The following MALRD1 variants were observed in gnomAD, a reference collection of about 807,000 sequenced individuals.
MALRD1 encodes MAM and LDL-receptor class A domain-containing protein 1.
MALRD1 carries 247 observed loss-of-function variants against 242.1 expected under a neutral mutation model. The ratio of observed to expected loss-of-function variants is 1.02; its 90% confidence interval spans 0.92 to 1.13. The LOEUF is 1.13. MALRD1 is among the 50% of genes most tolerant of loss of function. The probability of loss-of-function intolerance (pLI) is 0.00; values close to 1 mark genes in which losing one functional copy is unlikely to be tolerated. For synonymous variants in MALRD1, 995 were observed against 866.6 expected (o/e 1.15, Z -2.60); for missense variants, 2,989 against 2,533.1 (o/e 1.18, Z -3.86).
At position 19,647,545 on chromosome 10, in the gene MALRD1, G is replaced by T. The variant is rs748487203; in HGVS notation, c.6137+31622G>T. Among the ~76,000 whole-genome samples, 6 of 152,010 alleles carry T rather than the reference G, an allele frequency of 3.9e-5. No homozygotes were observed. The South Asian group carries it at 6.2e-4, about 16-fold the overall frequency. On this transcript the variant is annotated intron_variant, in intron 36 of 39. Transcript: ENST00000454679. ...AGTGGAACATACTTGGATCTGAAAG[G>T]GTCACAATTTAGCCAGGACAAATTA... is the stretch of plus-strand genomic sequence containing the variant.
At chr10:19,579,715 T>C (rs755083688) in intron 33 of MALRD1, among the ~76,000 whole-genome samples, 1 of 152,162 alleles carries the variant, frequency 6.6e-6, no homozygotes, top group Non-Finnish European at 1.5e-5. Flanking sequence ...GTCAGTTTGT[T>C]GAATACCAAC....
At position 19,692,494 on chromosome 10, in the gene MALRD1, T is replaced by A; in HGVS notation, c.6254T>A (p.Leu2085Gln). Residue 2085 changes from leucine (L) to glutamine (Q), a missense_variant, in exon 38 of 40, where the codon CTG (leucine) becomes CAG (glutamine). Physicochemically the swap from Leu to Gln is moderately radical, Grantham distance 113. Coordinates refer to ENST00000454679, the MANE Select transcript of MALRD1 (RefSeq NM_001142308.3). Reference sequence around the variant, plus strand: ...CTCCTGGGTATTGGATTAGCATTCCTGATGACTCACATCACAGTTGCAGTC... The same window carrying A: ...CTCCTGGGTATTGGATTAGCATTCCAGATGACTCACATCACAGTTGCAGTC... ...WTLLGIGLAF[L>Q]MTHITVAVLC... The A allele has an allele frequency of 1.3e-6, 2 of 1,535,982 alleles. No homozygotes were observed. Among genetic ancestry groups the A allele is most frequent in the Non-Finnish European group, 1.7e-6 (2 of 1,146,604 alleles).
chr10:19,225,976 G>A (rs563116384), intron 18 of MALRD1, among the ~76,000 whole-genome samples: 169 of 152,198 alleles, frequency 1.1e-3, no homozygotes, highest in African/African-American at 3.7e-3. Context: ...GTTATCCCTG[G>A]TCAGATTATT....
At chr10:19,320,302 T>C (rs546912077) in intron 21 of MALRD1, among the ~76,000 whole-genome samples, 6 of 152,198 alleles carry the variant, frequency 3.9e-5, no homozygotes, top group South Asian at 4.2e-4. Flanking sequence ...CTCCCACTTA[T>C]AAGGGAGAAC....
At chr10:19,091,558 T>A (rs999387189) in intron 4 of MALRD1, among the ~76,000 whole-genome samples, 1 of 34,546 alleles carries the variant, frequency 2.9e-5, no homozygotes, top group Non-Finnish European at 5.0e-5. Flanking sequence ...ATTCATTGAT[T>A]TTTTGAAGGG....
intron 26 of MALRD1, among the ~76,000 whole-genome samples, chr10:19,362,701 A>G (rs75469090): frequency 0.04 from 6,162 of 152,216 alleles, 204 homozygotes; most frequent in African/African-American, 0.091. Flanking sequence ...ATTTTGAGCA[A>G]AATGGATAAA....
At chr10:19,358,290 G>T (rs1032414520) in intron 26 of MALRD1, among the ~76,000 whole-genome samples, 1 of 150,930 alleles carries the variant, frequency 6.6e-6, no homozygotes, top group Non-Finnish European at 1.5e-5. Context: ...TCTGTTTTGG[G>T]ATATAACATG....
intron 12 of MALRD1, among the ~76,000 whole-genome samples, chr10:19,158,865 C>A (rs1460944167): frequency 6.6e-6 from 1 of 152,116 alleles, no homozygotes; most frequent in Admixed American, 6.6e-5. Flanking sequence ...ACAATGTCCC[C>A]AAAGTAGGAC....
chr10:19,369,261 T>C (rs1845259101), intron 26 of MALRD1, among the ~76,000 whole-genome samples: 1 of 146,884 alleles, frequency 6.8e-6, no homozygotes, highest in Non-Finnish European at 1.5e-5. Context: ...TACACTTATG[T>C]TGTATACATT....
intron 32 of MALRD1, among the ~76,000 whole-genome samples, chr10:19,556,756 G>A (rs1196153655): frequency 6.6e-6 from 1 of 152,092 alleles, no homozygotes; most frequent in Non-Finnish European, 1.5e-5. Context: ...TAAACATTCA[G>A]CACATCTGGG....
At chr10:19,309,669 A>G (rs1053676356) in intron 21 of MALRD1, among the ~76,000 whole-genome samples, 1 of 151,562 alleles carries the variant, frequency 6.6e-6, no homozygotes, top group East Asian at 1.9e-4. Context: ...GGTTAAAAGT[A>G]TTCTAAAAAG....
intron 15 of MALRD1, 116 bp downstream of exon 15, chr10:19,203,996 G>A: frequency 8.0e-7 from 1 of 1,250,430 alleles, no homozygotes; most frequent in Non-Finnish European, 1.1e-6. Context: ...TCAGATAGTT[G>A]AATATTGTCA....
At chr10:19,370,519 A>T (rs1253082038) in intron 26 of MALRD1, among the ~76,000 whole-genome samples, 1 of 152,178 alleles carries the variant, frequency 6.6e-6, no homozygotes, top group African/African-American at 2.4e-5. Context: ...TAAAAGTACA[A>T]TTAATTTTTA....
At chr10:19,354,755 G>A (rs980639065) in intron 26 of MALRD1, among the ~76,000 whole-genome samples, 3 of 152,052 alleles carry the variant, frequency 2.0e-5, no homozygotes, top group Non-Finnish European at 4.4e-5. Context: ...AATTTGGAAT[G>A]TTCCCAACAT....
intron 36 of MALRD1, among the ~76,000 whole-genome samples, chr10:19,650,626 A>G (rs1400203709): frequency 6.6e-6 from 1 of 152,200 alleles, no homozygotes; most frequent in Non-Finnish European, 1.5e-5. Context: ...AAATGGAATT[A>G]TATTGTTGTG....
chr10:19,176,009 T>G (rs1176730387), intron 14 of MALRD1, among the ~76,000 whole-genome samples: 3 of 152,122 alleles, frequency 2.0e-5, no homozygotes, highest in Non-Finnish European at 4.4e-5. Flanking sequence ...ATACCTTCAG[T>G]TACTTTCTCT....
chr10:19,381,681 A>G (rs1845844760), intron 26 of MALRD1, among the ~76,000 whole-genome samples: 1 of 151,494 alleles, frequency 6.6e-6, no homozygotes, highest in Admixed American at 6.6e-5. Flanking sequence ...TACAAAAAAA[A>G]AAAAAAAATT....
chr10:19,477,687 G>A (rs565256912), intron 29 of MALRD1, among the ~76,000 whole-genome samples: 1 of 152,246 alleles, frequency 6.6e-6, no homozygotes, highest in East Asian at 1.9e-4. Context: ...TCCCAAGTGG[G>A]ACTTCTAGTT....
chr10:19,470,636 G>A (rs899699074), intron 29 of MALRD1, among the ~76,000 whole-genome samples: 2 of 151,874 alleles, frequency 1.3e-5, no homozygotes, highest in Non-Finnish European at 2.9e-5. Context: ...GAGGTGTGTG[G>A]AGATAGCTCA....
Sources: allele counts gnomAD v4.1 joint callset (sites outside exome capture counted in the v4.1 genomes callset), GRCh38; gene constraint gnomAD v4.1.1; transcripts MANE v1.5; gene names NCBI Gene and HGNC (gene_info 2026-07-23, HGNC 2026-07-21).